Variants in NR2F1-AS1 observed in about 807,000 individuals in gnomAD.
The protein encoded by NR2F1-AS1 is NR2F1 regulatory antisense RNA 1.
At chr5:93,551,025 TG>T (rs1752214918) in intron 4 of NR2F1-AS1, among the ~76,000 whole-genome samples, 1 of 152,124 alleles carries the variant, frequency 6.6e-6, no homozygotes, top group African/African-American at 2.4e-5. Context: ...TTTTGATCAC[TG>T]TTTCTCAGCA....
chr5:93,456,299 C>G (rs1220983299), intron 4 of NR2F1-AS1, among the ~76,000 whole-genome samples: 1 of 152,004 alleles, frequency 6.6e-6, no homozygotes, highest in Non-Finnish European at 1.5e-5. Flanking sequence ...GTTCTAAGAA[C>G]AAATAACTGG....
chr5:93,549,024 G>C (rs1752161140), intron 4 of NR2F1-AS1, among the ~76,000 whole-genome samples: 1 of 152,076 alleles, frequency 6.6e-6, no homozygotes, highest in South Asian at 2.1e-4. Context: ...TGTAATAACT[G>C]ATTATATATA....
rs780711759 is a variant in NR2F1-AS1 at position 93,550,791 on chromosome 5, C to T, written n.638+2970G>A. 3.9e-4 allele frequency among the ~76,000 whole-genome samples: 60 copies of T among 152,092 alleles called. 1 individual carries two copies. Among genetic ancestry groups the T allele is most frequent in the Admixed American group, 2.8e-3 (43 of 15,268 alleles). On this transcript the variant is annotated intron_variant and non_coding_transcript_variant, in intron 4 of 5. Transcript: ENST00000660523. ...CTGATTATATCTCTTATTACTGTTA[C>T]AAGAATTTGATATATCACAAAGTGA...
upstream of NR2F1-AS1, chr5:93,580,856 C>G (rs1173416112): frequency 1.3e-5 from 2 of 152,338 alleles, no homozygotes; most frequent in Non-Finnish European, 2.9e-5. Context: ...GGAGCCCCTG[C>G]TACCCCCAGT....
At chr5:93,582,002 CTT>C (rs1491480103), upstream of NR2F1-AS1, among the ~76,000 whole-genome samples, 2 of 106,022 alleles carry the variant, frequency 1.9e-5, no homozygotes, top group Non-Finnish European at 3.7e-5. Flanking sequence ...CCTCTCCTCT[CTT>C]CTCTCTCTCT....
chr5:93,570,061 G>A (rs1752715170), intron 1 of NR2F1-AS1: 1 of 152,192 alleles, frequency 6.6e-6, no homozygotes. Context: ...TCTCTAAACT[G>A]AGAGATTACA....
chr5:93,464,360 T>A (rs1308563865), intron 4 of NR2F1-AS1, among the ~76,000 whole-genome samples: 1 of 152,234 alleles, frequency 6.6e-6, no homozygotes, highest in Non-Finnish European at 1.5e-5. Context: ...CTTGGGTATG[T>A]CTTTATCAGC....
chr5:93,524,363 G>A (rs1013583369), intron 4 of NR2F1-AS1, among the ~76,000 whole-genome samples: 4 of 152,148 alleles, frequency 2.6e-5, no homozygotes, highest in African/African-American at 9.7e-5. Context: ...TATGTGAATA[G>A]ACCAAACCTG....
rs530227712 is a variant in NR2F1-AS1 at position 93,492,416 on chromosome 5, A to G, written n.638+61345T>C. The stretch of plus-strand genomic sequence containing the variant: ...AAGAAGTTCAGTAAATAAATACACC[A>G]AACACTTAAATAAGAATTAATTCTA... On this transcript the variant is annotated intron_variant and non_coding_transcript_variant, in intron 4 of 5. Coordinates refer to ENST00000660523, the Ensembl canonical transcript of NR2F1-AS1. Among the ~76,000 whole-genome samples the G allele has an allele frequency of 1.3e-4, 20 of 152,318 alleles. No individual in the cohort carries two copies. The South Asian group carries it at 4.1e-3, about 32-fold the overall frequency.
intron 4 of NR2F1-AS1, among the ~76,000 whole-genome samples, chr5:93,488,627 G>A (rs1750775142): frequency 6.6e-6 from 1 of 152,210 alleles, no homozygotes. Flanking sequence ...TGGAGAAATA[G>A]GAAAGCTTTT....
At chr5:93,466,432 G>A (rs1351436518) in intron 4 of NR2F1-AS1, among the ~76,000 whole-genome samples, 1 of 151,874 alleles carries the variant, frequency 6.6e-6, no homozygotes, top group Non-Finnish European at 1.5e-5. Flanking sequence ...CACCTCCTGG[G>A]TTCAAGAGAT....
intron 4 of NR2F1-AS1, among the ~76,000 whole-genome samples, chr5:93,441,049 A>G (rs553767617): frequency 1.3e-5 from 2 of 152,336 alleles, no homozygotes; most frequent in African/African-American, 4.8e-5. Flanking sequence ...ACTAAACCTA[A>G]TATTTCTTCA....
chr5:93,452,432 G>C (rs1749857156), intron 4 of NR2F1-AS1, among the ~76,000 whole-genome samples: 1 of 152,174 alleles, frequency 6.6e-6, no homozygotes, highest in Admixed American at 6.5e-5. Flanking sequence ...AATCCACACA[G>C]AGCCCAGCAG....
intron 4 of NR2F1-AS1, chr5:93,409,602 A>G (rs1036074957): frequency 1.4e-4 from 21 of 152,226 alleles, no homozygotes; most frequent in African/African-American, 4.8e-4. Context: ...TGGCATAACA[A>G]ATATCCAGTA....
At chr5:93,436,970 GA>G (rs1474224124) in intron 4 of NR2F1-AS1, among the ~76,000 whole-genome samples, 2 of 146,820 alleles carry the variant, frequency 1.4e-5, no homozygotes, top group African/African-American at 2.5e-5. Context: ...GATTTTAAGT[GA>G]AACTCATTAT....
At chr5:93,568,681 GT>G (rs1752669909) in intron 1 of NR2F1-AS1, among the ~76,000 whole-genome samples, 1 of 151,974 alleles carries the variant, frequency 6.6e-6, no homozygotes, top group African/African-American at 2.4e-5. Flanking sequence ...CGAGTCTGAG[GT>G]CCGTGGCCAT....
intron 4 of NR2F1-AS1, among the ~76,000 whole-genome samples, chr5:93,427,918 A>AAG (rs995520340): frequency 1.3e-5 from 2 of 150,822 alleles, no homozygotes; most frequent in Non-Finnish European, 1.5e-5. Context: ...AAGAGAGAGA[A>AAG]AGAGAGAGAG....
chr5:93,499,978 G>A (rs934414328), intron 4 of NR2F1-AS1, among the ~76,000 whole-genome samples: 7 of 152,124 alleles, frequency 4.6e-5, no homozygotes, highest in South Asian at 4.1e-4. Flanking sequence ...AAGAAGCTGC[G>A]AAAGAAAGAT....
At chr5:93,437,707 C>T (rs1466282573) in intron 4 of NR2F1-AS1, among the ~76,000 whole-genome samples, 2 of 152,176 alleles carry the variant, frequency 1.3e-5, no homozygotes, top group East Asian at 3.9e-4. Flanking sequence ...AAGATTCTAT[C>T]ATGATGTTTA....
Sources: gnomAD v4.1 joint callset for allele counts (sites outside exome capture counted in the v4.1 genomes callset) on GRCh38, gnomAD v4.1.1 for gene constraint, MANE v1.5 for transcripts, NCBI Gene and HGNC (gene_info 2026-07-23, HGNC 2026-07-21) for gene names.